Variants in MCF2L observed in about 807,000 individuals in gnomAD.
MCF2L encodes the protein MCF.2 cell line derived transforming sequence like.
MCF2L carries 97 observed loss-of-function variants against 153.4 expected under a neutral mutation model. The ratio of observed to expected loss-of-function variants is 0.63; its 90% confidence interval spans 0.54 to 0.75. The LOEUF (loss-of-function observed/expected upper bound fraction) is 0.75, where lower values mean the gene tolerates loss of function less well. MCF2L is among the 30% of genes least tolerant of loss of function. The probability of loss-of-function intolerance (pLI) is 0.00; values close to 1 mark genes in which losing one functional copy is unlikely to be tolerated. For missense variants in MCF2L, 1,347 were observed against 1,495.2 expected, an observed-to-expected ratio of 0.90 and a Z score of 1.64; for synonymous variants, 659 against 632.2, an observed-to-expected ratio of 1.04 and a Z score of -0.64.
chr13:112,923,016 G>T (rs2081367981), intron 2 of MCF2L, among the ~76,000 whole-genome samples: 1 of 152,198 alleles, frequency 6.6e-6, no homozygotes. Flanking sequence ...ATAGGAATTG[G>T]TGGATACTTT....
rs1017394109 is a variant in MCF2L, at chr13:112,903,406, C to T, written c.169+1035C>T. Among the ~76,000 whole-genome samples, 12 of 152,300 alleles carry T rather than the reference C, an allele frequency of 7.9e-5. No homozygotes were observed. In the South Asian group the frequency reaches 8.3e-4, roughly 11 times the overall value. On this transcript the variant is annotated intron_variant, in intron 2 of 29. Transcript: ENST00000375608. ...GGCTGCTGCCCTGAGGGCTGGTGCC[C>T]AGGAATTCCCTCCTGTTTCGTGTCT...
intron 26 of MCF2L, chr13:113,091,079 C>T (rs1389662052): frequency 2.3e-6 from 3 of 1,304,094 alleles, no homozygotes; most frequent in African/African-American, 1.5e-5. Context: ...GTCCTTCACA[C>T]TCTCTCTCCG....
rs112216784 is a variant in MCF2L, at chr13:113,047,080, G to A, written c.369+1719G>A. ...GGCATCACATGGTGAGAGAGGGAGCGAGAGAGAAGGGGGAGGTCCCAGACT... is the reference window on the plus strand; with the variant it reads ...GGCATCACATGGTGAGAGAGGGAGCAAGAGAGAAGGGGGAGGTCCCAGACT... On this transcript the variant is annotated intron_variant, in intron 4 of 29. Coordinates refer to ENST00000535094, the MANE Select transcript of MCF2L (RefSeq NM_001112732.3). The A allele has an allele frequency of 8.0e-3, 1,272 of 159,240 alleles. 38 individuals carry two copies. Among genetic ancestry groups the A allele is most frequent in the East Asian group, 0.073 (386 of 5,282 alleles). The allele number at this position is 159,240 out of a possible 1,614,324, so 9.9% of individuals were successfully genotyped here.
At chr13:112,935,472 G>C (rs542187112) in intron 2 of MCF2L, among the ~76,000 whole-genome samples, 33 of 152,216 alleles carry the variant, frequency 2.2e-4, no homozygotes, top group Middle Eastern at 6.8e-3. Context: ...GGCCAGGCTG[G>C]TCTCGAACTC....
chr13:113,082,778 C>T (rs522511), intron 17 of MCF2L, among the ~76,000 whole-genome samples: 82,843 of 151,820 alleles, frequency 0.55, 23,121 homozygotes, highest in Non-Finnish European at 0.6. Context: ...GTAAGTGAGC[C>T]GCCAGCCGTG....
chr13:113,078,392 T>A lies in MCF2L; in HGVS notation c.1690T>A (p.Ser564Thr). Residue 564 changes from serine to threonine, a missense_variant, in exon 14 of 30, where the codon TCC becomes ACC. Around this residue, in one of 3 missense-constraint regions of MCF2L, gnomAD observed 820 missense variants for 921.2 expected, o/e 0.89. Coordinates refer to ENST00000535094, the MANE Select transcript of MCF2L (RefSeq NM_001112732.3). Reference sequence around the variant, plus strand: ...TCGGCGAGGCTCTGAGAACTCCAGCTCCGAGGGCGGTGCGCTCCGGAGAGG... The same window carrying A: ...TCGGCGAGGCTCTGAGAACTCCAGCACCGAGGGCGGTGCGCTCCGGAGAGG... Reference protein sequence around the residue: ...GIRRGSENSSSEGGALRRGPY... With the variant: ...GIRRGSENSSTEGGALRRGPY... 1 of 1,613,244 alleles carries A rather than the reference T, an allele frequency of 6.2e-7. No homozygotes were observed. The highest frequency in any genetic ancestry group is 1.3e-5 in the African/African-American group (1 of 75,040).
At chr13:113,039,582 C>T (rs1015464397) in intron 3 of MCF2L, among the ~76,000 whole-genome samples, 3 of 151,954 alleles carry the variant, frequency 2.0e-5, no homozygotes, top group African/African-American at 7.3e-5. Flanking sequence ...CAATAAGAAA[C>T]TTGTTTCTAG....
At chr13:112,942,270 A>G (rs186692368) in intron 2 of MCF2L, among the ~76,000 whole-genome samples, 2 of 152,354 alleles carry the variant, frequency 1.3e-5, no homozygotes, top group Admixed American at 1.3e-4. Flanking sequence ...AAAGTCTCTG[A>G]TAAGCAGAAA....
At chr13:113,078,031 G>A (rs547821047) in intron 13 of MCF2L, among the ~76,000 whole-genome samples, 20 of 152,322 alleles carry the variant, frequency 1.3e-4, no homozygotes, top group African/African-American at 2.6e-4. Context: ...AGGCCCCACC[G>A]TCCTCCCCCT....
intron 1 of MCF2L, chr13:112,979,399 G>A: frequency 7.2e-7 from 1 of 1,385,856 alleles, no homozygotes; most frequent in Non-Finnish European, 9.3e-7. Flanking sequence ...GTGCAGGGCA[G>A]TGGTGGCTCG....
rs368686870 is a variant in MCF2L at position 112,916,981 on chromosome 13, C to T, written c.169+14610C>T. On this transcript the variant is annotated intron_variant, in intron 2 of 29. Transcript: ENST00000375608. ...GCTCTCCCCACACTGGTCTGTGTCC[C>T]CATCCCTCTTCCCACTCCAGGGCAG... 180 of 442,242 alleles carry T rather than the reference C, an allele frequency of 4.1e-4. 1 individual carries two copies. The East Asian group carries it at 0.011, about 27-fold the overall frequency. 27.4% of individuals were successfully genotyped at this position (442,242 alleles called of 1,614,324 possible).
rs545678945 is a variant in MCF2L, at chr13:113,046,817, C to T, written c.369+1456C>T. Reference sequence around the variant, plus strand: ...CATCGTTATCTGAAATAATTCAAAACGCTTCAGGATGCTTCCAAAAAAGTA... The same window carrying T: ...CATCGTTATCTGAAATAATTCAAAATGCTTCAGGATGCTTCCAAAAAAGTA... On this transcript the variant is annotated intron_variant, in intron 4 of 29. Coordinates refer to ENST00000535094, the MANE Select transcript of MCF2L (RefSeq NM_001112732.3). This position sits in a 1 kb window ranked among gnomAD's most constrained non-coding sequence, Gnocchi z 4.4. 3.4e-4 allele frequency: 129 copies of T among 384,478 alleles called. No homozygotes were observed. Among genetic ancestry groups the T allele is most frequent in the African/African-American group, 2.2e-3 (104 of 47,522 alleles). The allele number at this position is 384,478 out of a possible 1,614,324, so 23.8% of individuals were successfully genotyped here. A position where few individuals can be genotyped will look rare whatever the true frequency, so the allele number is the denominator to read the frequency against.
At chr13:113,029,716 G>A (rs2085528681) in intron 3 of MCF2L, among the ~76,000 whole-genome samples, 1 of 152,246 alleles carries the variant, frequency 6.6e-6, no homozygotes, top group African/African-American at 2.4e-5. Context: ...ACATCCCTGG[G>A]AGACCAAGAG....
intron 7 of MCF2L, chr13:113,065,338 C>T (rs1437092355): frequency 2.1e-5 from 11 of 520,862 alleles, no homozygotes; most frequent in Non-Finnish European, 2.0e-5. Context: ...GCCATTCTGG[C>T]GTTGGGTCAA....
intron 23 of MCF2L, among the ~76,000 whole-genome samples, 182 bp from the exon 24 acceptor site, chr13:113,088,145 C>T (rs578203278): frequency 6.6e-6 from 1 of 152,352 alleles, no homozygotes; most frequent in South Asian, 2.1e-4. Flanking sequence ...CAGTCCCGTG[C>T]ATGGGGCACA....
chr13:112,978,137 A>G (rs1238385300), intron 1 of MCF2L, among the ~76,000 whole-genome samples: 4 of 152,228 alleles, frequency 2.6e-5, no homozygotes, highest in Non-Finnish European at 4.4e-5. Flanking sequence ...GAAATGCGCC[A>G]TCTGTTTCCC....
At chr13:112,977,009 G>A (rs996283788) in intron 1 of MCF2L, among the ~76,000 whole-genome samples, 2 of 152,168 alleles carry the variant, frequency 1.3e-5, no homozygotes, top group East Asian at 1.9e-4. Flanking sequence ...GAGAGGAAAC[G>A]AGACACCTTC....
chr13:112,897,681 G>C (rs1334748400), intron 1 of MCF2L, among the ~76,000 whole-genome samples: 1 of 152,268 alleles, frequency 6.6e-6, no homozygotes, highest in Non-Finnish European at 1.5e-5. Context: ...GAGGGTAACC[G>C]TGTTTTCTTC....
At chr13:113,088,875 G>A (rs1298950623) in intron 25 of MCF2L, among the ~76,000 whole-genome samples, 1 of 152,216 alleles carries the variant, frequency 6.6e-6, no homozygotes, top group Non-Finnish European at 1.5e-5. Flanking sequence ...ACGGCAGTGC[G>A]CACATGGCCT....
Sources: gnomAD v4.1 joint callset for allele counts (sites outside exome capture counted in the v4.1 genomes callset) on GRCh38, gnomAD v4.1.1 for gene constraint, gnomAD v4.1.1 regional missense constraint, Gnocchi (gnomAD v3.1) non-coding constraint, MANE v1.5 for transcripts, NCBI Gene and HGNC (gene_info 2026-07-23, HGNC 2026-07-21) for gene names.